Variants in LRRC69 observed in about 807,000 individuals in gnomAD.
LRRC69 encodes the protein leucine-rich repeat-containing protein 69.
Under a neutral mutation model 37.8 loss-of-function variants are expected in LRRC69, and 42 were observed. The observed-to-expected ratio is 1.11, with a 90% CI of 0.87 to 1.44. LRRC69 has a LOEUF of 1.44. Ranked by LOEUF, LRRC69 falls within the 40% of genes most tolerant of loss-of-function variation. LRRC69 has a pLI of 0.00. For missense variants in LRRC69, 357 were observed against 401.9 expected, an observed-to-expected ratio of 0.89 and a Z score of 0.96; for synonymous variants, 141 against 143.1, an observed-to-expected ratio of 0.99 and a Z score of 0.11.
intron 7 of LRRC69, among the ~76,000 whole-genome samples, chr8:91,215,321 A>G (rs1810023832): frequency 6.6e-6 from 1 of 152,102 alleles, no homozygotes; most frequent in Non-Finnish European, 1.5e-5. Flanking sequence ...TAATATTGAA[A>G]TCTTATCCAA....
chr8:91,142,311 G>T (rs1008603743), intron 5 of LRRC69, among the ~76,000 whole-genome samples: 1 of 152,054 alleles, frequency 6.6e-6, no homozygotes, highest in African/African-American at 2.4e-5. Context: ...TAAGCTCTTA[G>T]AATCCTCCGT....
exon 6 of LRRC69, chr8:91,189,569 G>T: frequency 6.4e-7 from 1 of 1,551,232 alleles, no homozygotes. Context: ...GAAACCCACT[G>T]TTCCTGCAGC....
chr8:91,166,973 G>T (rs1809041381), intron 5 of LRRC69, among the ~76,000 whole-genome samples: 1 of 149,158 alleles, frequency 6.7e-6, no homozygotes, highest in African/African-American at 2.6e-5. Context: ...TGCCCACTTT[G>T]CTGGATAGTC....
At chr8:91,182,002 T>G (rs1011741445) in intron 5 of LRRC69, among the ~76,000 whole-genome samples, 3 of 152,182 alleles carry the variant, frequency 2.0e-5, no homozygotes, top group African/African-American at 7.2e-5. Context: ...GACTATCAGC[T>G]TTGATATTGA....
chr8:91,123,375 A>G (rs946952510), intron 1 of LRRC69, among the ~76,000 whole-genome samples: 2 of 152,058 alleles, frequency 1.3e-5, no homozygotes, highest in Admixed American at 6.6e-5. Context: ...TAGTAGATGT[A>G]TTATACTGTT....
At chr8:91,118,524 C>A in intron 1 of LRRC69, 1 of 253,238 alleles carries the variant, frequency 3.9e-6, no homozygotes, top group South Asian at 3.9e-5. Flanking sequence ...GTGAGACTGT[C>A]TCAAAAGGAA....
At chr8:91,211,422 G>A (rs1293881921) in intron 7 of LRRC69, among the ~76,000 whole-genome samples, 2 of 151,236 alleles carry the variant, frequency 1.3e-5, no homozygotes, top group African/African-American at 4.9e-5. Flanking sequence ...ATTACTAGAT[G>A]TTAGCAGTTA....
rs185630359 is a variant in LRRC69 at position 91,191,028 on chromosome 8, G to A, written c.753+1405G>A. Among the ~76,000 whole-genome samples the A allele has an allele frequency of 5.0e-3, 710 of 141,262 alleles. 11 individuals are homozygous for A. Among genetic ancestry groups the A allele is most frequent in the African/African-American group, 0.019 (688 of 36,774 alleles). The allele number at this position is 141,262 out of a possible 152,430, so 92.7% of individuals were successfully genotyped here. A position where few individuals can be genotyped will look rare whatever the true frequency, so the allele number is the denominator to read the frequency against. On this transcript the variant is annotated intron_variant, in intron 6 of 7. Coordinates refer to ENST00000448384, the Ensembl canonical transcript of LRRC69. ...CACTCCAGCCTGGGTGACAGAGCAG[G>A]ATCCTGTCTCAAACCCCCCCCCCCC...
chr8:91,213,643 T>A (rs1201696954), intron 7 of LRRC69, among the ~76,000 whole-genome samples: 1 of 152,100 alleles, frequency 6.6e-6, no homozygotes, highest in Non-Finnish European at 1.5e-5. Flanking sequence ...ATTAAATGAG[T>A]GATAGAGACC....
chr8:91,168,745 T>G (rs78967027), intron 5 of LRRC69, among the ~76,000 whole-genome samples: 1 of 148,076 alleles, frequency 6.8e-6, no homozygotes, highest in Admixed American at 6.7e-5. Context: ...TGTTTTTTTT[T>G]GCAATTAATA....
chr8:91,219,068 C>T (rs958740213), downstream of LRRC69: 32 of 765,486 alleles, frequency 4.2e-5, no homozygotes, highest in African/African-American at 5.5e-4. Flanking sequence ...ACAGATTATG[C>T]CCTACTTAAG....
At chr8:91,118,468 G>C in intron 1 of LRRC69, 3 of 319,176 alleles carry the variant, frequency 9.4e-6, no homozygotes, top group Non-Finnish European at 1.8e-5. Flanking sequence ...GGCAGAGGTT[G>C]CAGTGAGCCG....
intron 2 of LRRC69, 43 bp downstream of exon 2, chr8:91,124,662 ATC>A (rs1813688998): frequency 6.9e-7 from 1 of 1,455,266 alleles, no homozygotes; most frequent in African/African-American, 1.5e-5. Context: ...ATCAAATTTA[ATC>A]TCTCATATTT....
chr8:91,102,691 G>A, exon 1 of LRRC69: 1 of 1,551,286 alleles, frequency 6.4e-7, no homozygotes, highest in Non-Finnish European at 8.7e-7. Flanking sequence ...TAAAAGCATT[G>A]AGTGGTGGTA....
intron 7 of LRRC69, among the ~76,000 whole-genome samples, chr8:91,213,517 G>C (rs566023235): frequency 6.6e-6 from 1 of 152,276 alleles, no homozygotes; most frequent in South Asian, 2.1e-4. Context: ...GCTTTAAGCA[G>C]GGAACTGAAT....
chr8:91,200,881 T>C, intron 7 of LRRC69, 89 bp downstream of exon 7: 1 of 1,239,168 alleles, frequency 8.1e-7, no homozygotes, highest in Non-Finnish European at 1.1e-6. Context: ...ACTAGATTTG[T>C]ACCTATGATT....
upstream of LRRC69, chr8:91,102,634 C>T: frequency 6.6e-7 from 1 of 1,526,338 alleles, no homozygotes; most frequent in Non-Finnish European, 8.8e-7. Flanking sequence ...CTAATGGTTA[C>T]CTTGTTTTCT....
rs115402859 is a variant in LRRC69, at chr8:91,106,821, C to T, written c.183+3977C>T. On this transcript the variant is annotated intron_variant, in intron 1 of 7. Transcript: ENST00000448384. ...TTTTTTTTTCTTTTAAGAGACAGGT[C>T]CTGCTCTGTCACCCAAGCTGGAGTG... is the stretch of plus-strand genomic sequence containing the variant. Among the ~76,000 whole-genome samples, 1,397 of 151,824 alleles carry T rather than the reference C, an allele frequency of 9.2e-3. 28 individuals carry two copies. Among genetic ancestry groups the T allele is most frequent in the African/African-American group, 0.032 (1,320 of 41,456 alleles).
At chr8:91,200,980 C>A (rs183314494) in intron 7 of LRRC69, among the ~76,000 whole-genome samples, 188 bp downstream of exon 7, 2 of 152,158 alleles carry the variant, frequency 1.3e-5, no homozygotes, top group Non-Finnish European at 2.9e-5. Context: ...TATTTACATT[C>A]ATAGACTCCC....
Sources: gnomAD v4.1 joint callset for allele counts (sites outside exome capture counted in the v4.1 genomes callset) on GRCh38, gnomAD v4.1.1 for gene constraint, MANE v1.5 for transcripts, NCBI Gene and HGNC (gene_info 2026-07-23, HGNC 2026-07-21) for gene names.